Variants in GRSF1 observed in about 807,000 individuals in gnomAD.
GRSF1 encodes the protein G-rich sequence factor 1.
A neutral mutation model predicts 51.1 loss-of-function variants in GRSF1; 50 were observed. The ratio of observed to expected loss-of-function variants is 0.98; its 90% CI spans 0.78 to 1.24. The LOEUF (loss-of-function observed/expected upper bound fraction) is 1.24. GRSF1 is among the 50% of genes most tolerant of loss of function. The probability of loss-of-function intolerance (pLI) is 0.00; values close to 1 mark genes in which losing one functional copy is unlikely to be tolerated. For missense variants in GRSF1, 700 were observed against 639.7 expected, an observed-to-expected ratio of 1.09 and a Z score of -1.02; for synonymous variants, 293 against 253.3, an observed-to-expected ratio of 1.16 and a Z score of -1.49.
intron 1 of GRSF1, chr4:70,838,997 T>G: frequency 2.1e-6 from 1 of 474,318 alleles, no homozygotes; most frequent in Non-Finnish European, 3.5e-6. Context: ...CACGCAACTG[T>G]GTGCGCGCAC....
chr4:70,839,420 C>G (rs1344672950), intron 1 of GRSF1, 51 bp downstream of exon 1: 5 of 1,505,950 alleles, frequency 3.3e-6, no homozygotes, highest in Admixed American at 2.1e-5. Context: ...GGGGCGCGTG[C>G]ACGCGGCCCG....
intron 9 of GRSF1, among the ~76,000 whole-genome samples, chr4:70,823,640 C>A (rs918377214): frequency 1.3e-5 from 2 of 151,768 alleles, no homozygotes; most frequent in Non-Finnish European, 2.9e-5. Flanking sequence ...GAGGCAAAGG[C>A]AGCAGGATCA....
At chr4:70,822,603 AAAC>A (rs1449656708) in intron 9 of GRSF1, among the ~76,000 whole-genome samples, 25 of 7,144 alleles carry the variant, frequency 3.5e-3, no homozygotes, top group South Asian at 0.033. Flanking sequence ...AAAAAAAAAA[AAAC>A]AAAAGTAACC....
rs942701368 is a variant in GRSF1, at chr4:70,818,466, C to A, written c.*2421G>T. 3 of 152,156 alleles carry A rather than the reference C, an allele frequency of 2.0e-5. No homozygotes were observed. The highest frequency in any genetic ancestry group is 4.4e-5 in the Non-Finnish European group (3 of 68,040). 9.4% of individuals were successfully genotyped at this position (152,156 alleles called of 1,614,324 possible). On this transcript the variant is annotated 3_prime_UTR_variant, in exon 10 of 10. Coordinates refer to ENST00000254799, the MANE Select transcript of GRSF1 (RefSeq NM_002092.4). ...CTTATGCTTCCCCCTTCAAGTAACA[C>A]AGAAGTAGTGAGAATTTGGAGCCTT...
In GRSF1 at chr4:70,839,875, A is replaced by G. The variant is rs890214577; in HGVS notation, c.-48T>C. 1 of 1,412,510 alleles carries G rather than the reference A, an allele frequency of 7.1e-7. No homozygotes were observed. Among genetic ancestry groups the G allele is most frequent in the Non-Finnish European group, 9.2e-7 (1 of 1,089,326 alleles). The allele number at this position is 1,412,510 out of a possible 1,614,324, so 87.5% of individuals were successfully genotyped here. ...CCTGAAGGCAGCTGCTCCAGCAGCG[A>G]TGGTGGAACGGAAGTGGAATCCAGG... On this transcript the variant is annotated 5_prime_UTR_variant, in exon 1 of 10. Coordinates refer to ENST00000254799, the MANE Select transcript of GRSF1 (RefSeq NM_002092.4).
intron 6 of GRSF1, 87 bp downstream of exon 6, chr4:70,827,765 G>A (rs923303464): frequency 6.6e-6 from 6 of 912,766 alleles, no homozygotes; most frequent in Middle Eastern, 4.5e-4. Context: ...GCAACAGAGC[G>A]AGACTTCATC....
At chr4:70,839,062 G>A in intron 1 of GRSF1, 2 of 1,160,460 alleles carry the variant, frequency 1.7e-6, no homozygotes, top group Non-Finnish European at 2.3e-6. Context: ...CCTAGCGCTC[G>A]GGCTGCACGG....
At position 70,833,182 on chromosome 4, in the gene GRSF1, T is replaced by G. The variant is rs1734056713; in HGVS notation, c.606A>C (p.Ser202=). The change falls in exon 3 of 10, where the codon TCA becomes TCC. Residue 202 remains serine, a synonymous_variant. Coordinates refer to ENST00000254799, the MANE Select transcript of GRSF1 (RefSeq NM_002092.4). ...RRGDALIEME[S]EQDVQKALEK... ...CTAAGGCTTTCTGCACATCCTGCTCTGACTCCATTTCAATTAAGGCATCAC... is the reference window on the plus strand; with the variant it reads ...CTAAGGCTTTCTGCACATCCTGCTCGGACTCCATTTCAATTAAGGCATCAC... 1 of 1,613,986 alleles carries G rather than the reference T, an allele frequency of 6.2e-7. No individual in the cohort carries two copies. Among genetic ancestry groups the G allele is most frequent in the Non-Finnish European group, 8.5e-7 (1 of 1,179,846 alleles).
intron 1 of GRSF1, among the ~76,000 whole-genome samples, chr4:70,837,330 C>T (rs1578310014): frequency 6.6e-6 from 1 of 151,542 alleles, no homozygotes. Flanking sequence ...CTTGGGAGGC[C>T]GAGGTGGGCG....
At chr4:70,837,336 G>A (rs776686421) in intron 1 of GRSF1, among the ~76,000 whole-genome samples, 1 of 151,896 alleles carries the variant, frequency 6.6e-6, no homozygotes, top group Non-Finnish European at 1.5e-5. Flanking sequence ...AGGCCGAGGT[G>A]GGCGAATCAC....
chr4:70,831,670 C>T lies in GRSF1; in HGVS notation c.819G>A (p.Leu273=). 1 of 1,612,466 alleles carries T rather than the reference C, an allele frequency of 6.2e-7. No individual in the cohort carries two copies. The highest frequency in any genetic ancestry group is 1.7e-5 in the Admixed American group (1 of 59,816). ...TCACAAAAGTAATGTCAACTATATT[C>T]AGTCCTAGGACACCAAGAGATTTTA... ...EKDIVDFFAG[L]NIVDITFVMD... Residue 273 remains leucine (L), a synonymous_variant, in exon 5 of 10, where the codon CTG becomes CTA. Transcript: ENST00000254799.
chr4:70,833,085 G>T, intron 3 of GRSF1, 33 bp downstream of exon 3: 1 of 1,593,966 alleles, frequency 6.3e-7, no homozygotes, highest in Non-Finnish European at 8.6e-7. Context: ...CTAATGCAAT[G>T]ATCCCAAAAA....
intron 6 of GRSF1, 41 bp downstream of exon 6, chr4:70,827,811 A>G: frequency 7.1e-7 from 1 of 1,415,176 alleles, no homozygotes; most frequent in Non-Finnish European, 9.7e-7. Context: ...CAAAACATTC[A>G]AGATAGACCC....
At position 70,828,138 on chromosome 4, in the gene GRSF1, GAA is replaced by G. The variant is rs754983935; in HGVS notation, c.951-104_951-103del. Reference sequence around the variant, plus strand: ...ATACATTATATTTCCAACAGCTTATGAAACACAGGTGTCAAAAGATAACAGGT... The same window carrying G: ...ATACATTATATTTCCAACAGCTTATGACACAGGTGTCAAAAGATAACAGGT... On this transcript the variant is annotated intron_variant, in intron 5 of 9. Transcript: ENST00000254799. 1.6e-5 allele frequency: 13 copies of G among 806,980 alleles called. No individual in the cohort carries two copies. The South Asian group carries it at 1.6e-4, about 10-fold the overall frequency. 50.0% of individuals were successfully genotyped at this position (806,980 alleles called of 1,614,324 possible).
chr4:70,830,899 AAC>A (rs1330285947), intron 5 of GRSF1, among the ~76,000 whole-genome samples: 1 of 152,234 alleles, frequency 6.6e-6, no homozygotes, highest in Non-Finnish European at 1.5e-5. Context: ...TACTATTGCT[AAC>A]AGTGTTAGAT....
In GRSF1 at chr4:70,839,499, G is replaced by A. The variant is rs995904310; in HGVS notation, c.329C>T (p.Ala110Val). Residue 110 changes from alanine (A) to valine (V), a missense_variant, in exon 1 of 10, where the codon GCC becomes GTC. Transcript: ENST00000254799. ...GCTGTAGCTGCGCGTCGGGACGGCG[G>A]CCGCCGCCGCCAGCGACTGCGGCAG... ...SLLPQSLAAA[A>V]AVPTRSYSQE... 7.7e-6 allele frequency: 11 copies of A among 1,420,694 alleles called. No individual in the cohort carries two copies. In the Admixed American group the frequency reaches 9.3e-5, roughly 12 times the overall value. The allele number at this position is 1,420,694 out of a possible 1,614,324, so 88.0% of individuals were successfully genotyped here.
chr4:70,823,612 G>A (rs1004917318), intron 9 of GRSF1, among the ~76,000 whole-genome samples: 3 of 151,632 alleles, frequency 2.0e-5, no homozygotes, highest in Non-Finnish European at 4.4e-5. Context: ...GCTCACTCTT[G>A]TAATTCCAAC....
chr4:70,839,617 C>A lies in GRSF1; in HGVS notation c.211G>T (p.Val71Leu), dbSNP rs945927386. 2 of 1,403,910 alleles carry A rather than the reference C, an allele frequency of 1.4e-6. No individual in the cohort carries two copies. The highest frequency in any genetic ancestry group is 1.5e-5 in the African/African-American group (1 of 65,918). The allele number at this position is 1,403,910 out of a possible 1,614,324, so 87.0% of individuals were successfully genotyped here. A position where few individuals can be genotyped will look rare whatever the true frequency, so the allele number is the denominator to read the frequency against. The change falls in exon 1 of 10, where the codon GTG (valine) becomes TTG (leucine). Residue 71 changes from valine (V) to leucine (L), a missense_variant. Transcript: ENST00000254799. ...GGCCCCGCCAGCCTCCCGGGAGGCA[C>A]AGGCCCGGTCTGGAGGCCACGCGTC... The part of the protein sequence containing the change: ...SQTRGLQTGP[V>L]PPGRLAGPPA...
At chr4:70,825,158 T>G (rs561072243) in intron 8 of GRSF1, 138 bp downstream of exon 8, 8 of 568,586 alleles carry the variant, frequency 1.4e-5, no homozygotes, top group Non-Finnish European at 2.2e-5. Context: ...TAGTGTTTTA[T>G]CTGTTACGTT....
Sources: allele counts gnomAD v4.1 joint callset (sites outside exome capture counted in the v4.1 genomes callset), GRCh38; gene constraint gnomAD v4.1.1; transcripts MANE v1.5; gene names NCBI Gene and HGNC (gene_info 2026-07-23, HGNC 2026-07-21).